The following CNTNAP2 variants were observed in gnomAD, a reference collection of about 807,000 sequenced individuals.
CNTNAP2 encodes contactin associated protein 2, also known as contactin-associated protein-like 2.
Under a neutral mutation model 155.2 loss-of-function variants are expected in CNTNAP2, and 98 were observed. The ratio of observed to expected loss-of-function variants is 0.63; its 90% CI spans 0.54 to 0.75. CNTNAP2 has a LOEUF of 0.75. Ranked by LOEUF, CNTNAP2 falls within the 30% of genes least tolerant of loss-of-function variation. The pLI is 0.00. For synonymous variants in CNTNAP2, 651 were observed against 631.2 expected (o/e 1.03, Z -0.47); for missense variants, 1,727 against 1,688.1 (o/e 1.02, Z -0.40).
intron 19 of CNTNAP2, among the ~76,000 whole-genome samples, chr7:148,226,518 A>C: frequency 6.6e-6 from 1 of 152,248 alleles, no homozygotes; most frequent in East Asian, 1.9e-4. Context: ...GGTGATCAGC[A>C]GCTTCCCAAT....
At chr7:146,335,437 A>C (rs542678369) in intron 1 of CNTNAP2, among the ~76,000 whole-genome samples, 1 of 152,190 alleles carries the variant, frequency 6.6e-6, no homozygotes, top group Admixed American at 6.5e-5. Context: ...AGGCACTTGC[A>C]GAGTAGTTGA....
At position 147,918,861 on chromosome 7, in the gene CNTNAP2, A is replaced by T. The variant is rs531437806; in HGVS notation, c.2255+15140A>T. 2.6e-5 allele frequency among the ~76,000 whole-genome samples: 4 copies of T among 152,284 alleles called. No individual in the cohort carries two copies. In the South Asian group the frequency reaches 8.3e-4, roughly 32 times the overall value. On this transcript the variant is annotated intron_variant, in intron 14 of 23. Transcript: ENST00000361727. ...ATTAGGCAGAATAATGGCCCCCAAG[A>T]TGTTCACATTCTAATTCCCAGAACC...
chr7:147,549,096 T>A (rs1313174739), intron 11 of CNTNAP2, among the ~76,000 whole-genome samples: 1 of 152,230 alleles, frequency 6.6e-6, no homozygotes, highest in Non-Finnish European at 1.5e-5. Context: ...GGGGTCTTCT[T>A]TGATTCCATA....
chr7:148,124,159 A>G (rs1804663954), intron 16 of CNTNAP2, among the ~76,000 whole-genome samples: 1 of 152,274 alleles, frequency 6.6e-6, no homozygotes, highest in African/African-American at 2.4e-5. Flanking sequence ...TAGACCCAGC[A>G]TCGCAGCACC....
At chr7:147,905,667 G>A (rs1799945131) in intron 14 of CNTNAP2, among the ~76,000 whole-genome samples, 1 of 152,222 alleles carries the variant, frequency 6.6e-6, no homozygotes, top group South Asian at 2.1e-4. Context: ...CAGATCACCT[G>A]AGGTCAGGAG....
chr7:146,660,961 C>T (rs1196883267), intron 1 of CNTNAP2, among the ~76,000 whole-genome samples: 4 of 152,114 alleles, frequency 2.6e-5, no homozygotes, highest in Non-Finnish European at 1.5e-5. Context: ...GGTTGAAGTG[C>T]AGAGATAAGG....
chr7:147,032,238 C>A (rs1398063797), intron 3 of CNTNAP2, among the ~76,000 whole-genome samples: 3 of 152,164 alleles, frequency 2.0e-5, no homozygotes, highest in Non-Finnish European at 4.4e-5. Flanking sequence ...TTTTACTATT[C>A]ATTATAAAAT....
chr7:146,557,030 A>T (rs977332727), intron 1 of CNTNAP2, among the ~76,000 whole-genome samples: 6 of 152,128 alleles, frequency 3.9e-5, no homozygotes, highest in Non-Finnish European at 7.3e-5. Flanking sequence ...GCATATAAGC[A>T]TCACCTTACA....
chr7:146,385,106 G>T (rs1216263221), intron 1 of CNTNAP2, among the ~76,000 whole-genome samples: 1 of 152,112 alleles, frequency 6.6e-6, no homozygotes, highest in Non-Finnish European at 1.5e-5. Context: ...GATCCAATTT[G>T]TGCTGCACCC....
chr7:147,581,785 A>G (rs941811560), intron 12 of CNTNAP2, among the ~76,000 whole-genome samples: 6 of 152,188 alleles, frequency 3.9e-5, no homozygotes, highest in Non-Finnish European at 8.8e-5. Flanking sequence ...TTCTAGTGGT[A>G]TGACTGTTGT....
Position 147,038,679 on chromosome 7 carries a change from A to G in CNTNAP2, c.403-5228A>G, listed in dbSNP as rs997557522. ...GCTGTCCTGCTGTTCTTCCACACCAATGTTCCAAACCTCTCCTCCCTGAAC... is the reference window on the plus strand; with the variant it reads ...GCTGTCCTGCTGTTCTTCCACACCAGTGTTCCAAACCTCTCCTCCCTGAAC... On this transcript the variant is annotated intron_variant, in intron 3 of 23. Transcript: ENST00000361727. Among the ~76,000 whole-genome samples, 10 of 152,138 alleles carry G rather than the reference A, an allele frequency of 6.6e-5. 1 individual carries two copies. Among genetic ancestry groups the G allele is most frequent in the African/African-American group, 2.2e-4 (9 of 41,442 alleles).
chr7:146,477,192 C>T (rs1244793352), intron 1 of CNTNAP2, among the ~76,000 whole-genome samples: 3 of 152,222 alleles, frequency 2.0e-5, no homozygotes, highest in East Asian at 1.9e-4. Context: ...TCAACTGAAC[C>T]ACTACCTAGT....
intron 3 of CNTNAP2, among the ~76,000 whole-genome samples, chr7:146,886,752 T>C (rs1200893653): frequency 1.3e-5 from 2 of 150,706 alleles, no homozygotes; most frequent in African/African-American, 4.9e-5. Flanking sequence ...TGTACAATCA[T>C]CACATGGAAT....
At chr7:146,291,592 G>C (rs1800430045) in intron 1 of CNTNAP2, among the ~76,000 whole-genome samples, 1 of 152,110 alleles carries the variant, frequency 6.6e-6, no homozygotes, top group Admixed American at 6.5e-5. Context: ...ACAGCTGAAG[G>C]CAGGGATGGT....
intron 1 of CNTNAP2, among the ~76,000 whole-genome samples, chr7:146,740,091 G>T (rs1262817483): frequency 6.6e-6 from 1 of 151,816 alleles, no homozygotes; most frequent in Non-Finnish European, 1.5e-5. Context: ...ATGAAAATTT[G>T]CCTTTTTGAT....
intron 13 of CNTNAP2, among the ~76,000 whole-genome samples, chr7:147,870,354 G>T (rs1276723964): frequency 6.6e-6 from 1 of 152,166 alleles, no homozygotes; most frequent in African/African-American, 2.4e-5. Flanking sequence ...TTGAGCTAAA[G>T]TAGCCCATAT....
At chr7:148,232,910 C>A (rs1795988282) in intron 20 of CNTNAP2, among the ~76,000 whole-genome samples, 1 of 152,180 alleles carries the variant, frequency 6.6e-6, no homozygotes, top group African/African-American at 2.4e-5. Flanking sequence ...GGGAAACTGA[C>A]CTTGGATGAA....
At chr7:148,307,636 G>T (rs1797512142) in intron 21 of CNTNAP2, among the ~76,000 whole-genome samples, 1 of 152,152 alleles carries the variant, frequency 6.6e-6, no homozygotes. Flanking sequence ...TCTTTAATGG[G>T]AATCCTTCAG....
intron 8 of CNTNAP2, among the ~76,000 whole-genome samples, chr7:147,135,141 G>A (rs753833976): frequency 5.9e-5 from 9 of 151,756 alleles, no homozygotes; most frequent in Non-Finnish European, 4.4e-5. Context: ...CATCTTACAA[G>A]TAAAATAATG....
Sources: gnomAD v4.1 joint callset for allele counts (sites outside exome capture counted in the v4.1 genomes callset) on GRCh38, gnomAD v4.1.1 for gene constraint, MANE v1.5 for transcripts, NCBI Gene and HGNC (gene_info 2026-07-23, HGNC 2026-07-21) for gene names.